CNTNAP2: variants seen among roughly 807,000 people sequenced by gnomAD.
CNTNAP2 encodes contactin-associated protein-like 2.
A neutral mutation model predicts 155.2 loss-of-function variants in CNTNAP2; 98 were observed. The ratio of observed to expected loss-of-function variants is 0.63; its 90% CI spans 0.54 to 0.75. The LOEUF (loss-of-function observed/expected upper bound fraction) is 0.75, where lower values mean the gene tolerates loss of function less well. Among genes scored for constraint, CNTNAP2 ranks in the 30% least tolerant of loss-of-function variants. The probability of loss-of-function intolerance (pLI) is 0.00; values close to 1 mark genes in which losing one functional copy is unlikely to be tolerated. For missense variants in CNTNAP2, 1,727 were observed against 1,688.1 expected (o/e 1.02, Z -0.40); for synonymous variants, 651 against 631.2 (o/e 1.03, Z -0.47).
chr7:147,161,322 G>A (rs918203299), intron 8 of CNTNAP2, among the ~76,000 whole-genome samples: 9 of 152,140 alleles, frequency 5.9e-5, no homozygotes, highest in African/African-American at 1.7e-4. Flanking sequence ...GCCTCCTCCT[G>A]TGAGGCTGTT....
chr7:147,938,506 GAAAC>G (rs1316064596), intron 14 of CNTNAP2, among the ~76,000 whole-genome samples: 3 of 151,948 alleles, frequency 2.0e-5, no homozygotes, highest in South Asian at 2.1e-4. Flanking sequence ...TTTCCCTCCT[GAAAC>G]AAACAAAAAA....
At chr7:147,814,592 C>A (rs894537751) in intron 13 of CNTNAP2, among the ~76,000 whole-genome samples, 1 of 152,102 alleles carries the variant, frequency 6.6e-6, no homozygotes, top group African/African-American at 2.4e-5. Flanking sequence ...TTTATATAAC[C>A]TATTGATTGT....
At chr7:146,441,257 A>T (rs534872070) in intron 1 of CNTNAP2, among the ~76,000 whole-genome samples, 2 of 151,676 alleles carry the variant, frequency 1.3e-5, no homozygotes, top group African/African-American at 4.9e-5. Flanking sequence ...AGACAACTTA[A>T]TATCTTTCTT....
In CNTNAP2 at chr7:146,724,561, C is replaced by CTTT. The variant is rs1000613503; in HGVS notation, c.98-49684_98-49682dup. 1.1e-3 allele frequency among the ~76,000 whole-genome samples: 71 copies of CTTT among 65,620 alleles called. 8 individuals are homozygous for CTTT. Among genetic ancestry groups the CTTT allele is most frequent in the African/African-American group, 1.6e-3 (23 of 14,478 alleles). 43.0% of individuals were successfully genotyped at this position (65,620 alleles called of 152,430 possible). On this transcript the variant is annotated intron_variant, in intron 1 of 23. Transcript: ENST00000361727. ...TTAGAAGCATGCTGTTAAATCTAAACTTTTTTTTTTTTTTTTTTTTTTTTT... is the reference window on the plus strand; with the variant it reads ...TTAGAAGCATGCTGTTAAATCTAAACTTTTTTTTTTTTTTTTTTTTTTTTTTTT...
chr7:146,899,064 C>G (rs991213757), intron 3 of CNTNAP2, among the ~76,000 whole-genome samples: 1 of 152,086 alleles, frequency 6.6e-6, no homozygotes, highest in Non-Finnish European at 1.5e-5. Context: ...CTTAAAATAG[C>G]CTCTTTAGTT....
intron 10 of CNTNAP2, among the ~76,000 whole-genome samples, chr7:147,430,920 C>T (rs559997009): frequency 5.3e-5 from 8 of 151,928 alleles, no homozygotes; most frequent in Middle Eastern, 3.4e-3. Flanking sequence ...AAAAATTAGC[C>T]GGGCCTAGTC....
chr7:147,965,069 A>G (rs1801181701), intron 14 of CNTNAP2, among the ~76,000 whole-genome samples: 1 of 152,168 alleles, frequency 6.6e-6, no homozygotes, highest in Admixed American at 6.5e-5. Flanking sequence ...GTGCCCAATT[A>G]TGAGTTGGAG....
intron 12 of CNTNAP2, among the ~76,000 whole-genome samples, chr7:147,629,172 T>C (rs10246534): frequency 0.36 from 53,965 of 151,620 alleles, 10,901 homozygotes; most frequent in African/African-American, 0.53. Flanking sequence ...GAGGCTGAGG[T>C]GGGTGGATCA....
intron 8 of CNTNAP2, among the ~76,000 whole-genome samples, chr7:147,191,570 C>T (rs1488087042): frequency 6.6e-6 from 1 of 152,116 alleles, no homozygotes; most frequent in Admixed American, 6.6e-5. Context: ...TCTCTGGAAA[C>T]TGCCTAATGA....
intron 11 of CNTNAP2, among the ~76,000 whole-genome samples, chr7:147,523,638 A>G (rs1227873619): frequency 6.6e-6 from 1 of 152,158 alleles, no homozygotes; most frequent in Non-Finnish European, 1.5e-5. Context: ...CTGCTTCTGC[A>G]GCAGCTTGGG....
chr7:147,571,930 T>G (rs561513243), intron 12 of CNTNAP2, among the ~76,000 whole-genome samples: 1 of 152,350 alleles, frequency 6.6e-6, no homozygotes, highest in Admixed American at 6.5e-5. Context: ...ATGTCTTCTT[T>G]CAGACACATC....
At chr7:147,562,621 G>C (rs1336130616) in intron 12 of CNTNAP2, among the ~76,000 whole-genome samples, 1 of 152,186 alleles carries the variant, frequency 6.6e-6, no homozygotes, top group East Asian at 1.9e-4. Context: ...GCATGCTAGA[G>C]GAAGCTTTTA....
intron 15 of CNTNAP2, among the ~76,000 whole-genome samples, chr7:148,114,361 TA>T (rs1804418851): frequency 6.6e-6 from 1 of 152,180 alleles, no homozygotes; most frequent in Non-Finnish European, 1.5e-5. Flanking sequence ...GAGGACTTTG[TA>T]AAAGGAGTGA....
intron 21 of CNTNAP2, among the ~76,000 whole-genome samples, chr7:148,281,503 T>G (rs1189722154): frequency 6.6e-6 from 1 of 152,208 alleles, no homozygotes; most frequent in Non-Finnish European, 1.5e-5. Context: ...ATATTTAAAC[T>G]GAAGAGAAGA....
At chr7:148,118,493 TC>T (rs1463754160) in intron 16 of CNTNAP2, among the ~76,000 whole-genome samples, 3 of 152,076 alleles carry the variant, frequency 2.0e-5, no homozygotes, top group Non-Finnish European at 4.4e-5. Context: ...AGCAGGCACA[TC>T]CAGATTCTCA....
chr7:146,477,675 A>AC (rs1563099363), intron 1 of CNTNAP2, among the ~76,000 whole-genome samples: 1 of 138,812 alleles, frequency 7.2e-6, no homozygotes, highest in East Asian at 2.1e-4. Flanking sequence ...ACACACACAC[A>AC]TCTTCTGGAT....
chr7:148,296,218 AG>A (rs1310673796), intron 21 of CNTNAP2, among the ~76,000 whole-genome samples: 1 of 152,052 alleles, frequency 6.6e-6, no homozygotes, highest in Non-Finnish European at 1.5e-5. Context: ...CATGTCAAAA[AG>A]GTCCCCAAAA....
intron 21 of CNTNAP2, among the ~76,000 whole-genome samples, chr7:148,279,127 C>T (rs1011876389): frequency 6.6e-6 from 1 of 152,166 alleles, no homozygotes; most frequent in African/African-American, 2.4e-5. Flanking sequence ...AGATGAGAAA[C>T]AGTAGAAGGT....
chr7:148,397,138 G>A (rs1799486658), intron 22 of CNTNAP2, among the ~76,000 whole-genome samples: 1 of 152,200 alleles, frequency 6.6e-6, no homozygotes, highest in Non-Finnish European at 1.5e-5. Flanking sequence ...ACATTTTAAA[G>A]ATAAGGAAAA....
Sources: gnomAD v4.1 joint callset for allele counts (sites outside exome capture counted in the v4.1 genomes callset) on GRCh38, gnomAD v4.1.1 for gene constraint, MANE v1.5 for transcripts, NCBI Gene and HGNC (gene_info 2026-07-23, HGNC 2026-07-21) for gene names.